GREB1L: variants seen among roughly 807,000 people sequenced by gnomAD.
The protein encoded by GREB1L is GREB1 like retinoic acid receptor coactivator, also known as GREB1-like protein.
In GREB1L, 17 loss-of-function variants were observed where a neutral mutation model predicts 200.8. The observed-to-expected ratio is 0.08, with a 90% CI of 0.06 to 0.13. The LOEUF (loss-of-function observed/expected upper bound fraction) is 0.13. GREB1L is among the 10% of genes least tolerant of loss of function. The pLI, the probability that GREB1L is intolerant of heterozygous loss-of-function variation, is 1.00. For missense variants in GREB1L, 1,657 were observed against 2,367.7 expected (o/e 0.70, Z 6.23); for synonymous variants, 789 against 893.0 (o/e 0.88, Z 2.08).
chr18:21,387,848 T>C (rs2040609096), intron 4 of GREB1L, among the ~76,000 whole-genome samples: 1 of 152,218 alleles, frequency 6.6e-6, no homozygotes, highest in Admixed American at 6.5e-5. Flanking sequence ...ATCCACTCTT[T>C]TTTACAGACA....
chr18:21,320,875 GAAAAT>G (rs2038941021), intron 1 of GREB1L, among the ~76,000 whole-genome samples: 1 of 152,062 alleles, frequency 6.6e-6, no homozygotes, highest in Admixed American at 6.6e-5. Flanking sequence ...ATTGAAAAGA[GAAAAT>G]GAAATGACAA....
chr18:21,426,111 C>T (rs1598811557), intron 7 of GREB1L, among the ~76,000 whole-genome samples: 1 of 149,186 alleles, frequency 6.7e-6, no homozygotes, highest in East Asian at 2.0e-4. Flanking sequence ...GGTTGGAGTG[C>T]AGTGGCTCGA....
chr18:21,514,431 C>T (rs570775277), intron 28 of GREB1L, among the ~76,000 whole-genome samples: 1 of 152,226 alleles, frequency 6.6e-6, no homozygotes, highest in Non-Finnish European at 1.5e-5. Context: ...AAGAGAATCA[C>T]TTGAACCCAA....
chr18:21,434,252 A>G (rs1237270406), intron 7 of GREB1L, among the ~76,000 whole-genome samples: 1 of 152,112 alleles, frequency 6.6e-6, no homozygotes, highest in Admixed American at 6.6e-5. Context: ...ATCCAGGTGG[A>G]TCACTTGAGG....
intron 7 of GREB1L, among the ~76,000 whole-genome samples, chr18:21,425,801 G>A (rs1267431210): frequency 6.6e-6 from 1 of 151,740 alleles, no homozygotes; most frequent in Non-Finnish European, 1.5e-5. Flanking sequence ...TATCATATAC[G>A]TGATTTTCAA....
intron 1 of GREB1L, among the ~76,000 whole-genome samples, chr18:21,336,623 T>C (rs889913176): frequency 4.6e-5 from 7 of 152,214 alleles, no homozygotes; most frequent in East Asian, 1.9e-4. Flanking sequence ...GTCCCCCTTA[T>C]ATGGAGTCAG....
In GREB1L at chr18:21,455,587, G is replaced by T. The variant is rs186772361; in HGVS notation, c.2182+1024G>T. Among the ~76,000 whole-genome samples the T allele has an allele frequency of 3.7e-3, 561 of 151,870 alleles. 28 individuals carry two copies. The highest frequency in any genetic ancestry group is 0.034 in the Admixed American group (515 of 15,262). On this transcript the variant is annotated intron_variant, in intron 15 of 32. Coordinates refer to ENST00000424526, the MANE Select transcript of GREB1L (RefSeq NM_001142966.3). ...TATCCCAGCTACTTGGGAGGCTGAG[G>T]CAGGAGAATCACTTGAACCCGGAAG...
chr18:21,306,792 A>T (rs1438756197), intron 1 of GREB1L, among the ~76,000 whole-genome samples: 1 of 152,246 alleles, frequency 6.6e-6, no homozygotes, highest in Non-Finnish European at 1.5e-5. Flanking sequence ...CAAATGAAGC[A>T]TAATAAATTG....
At chr18:21,372,644 G>A (rs190848409) in intron 2 of GREB1L, among the ~76,000 whole-genome samples, 6 of 152,078 alleles carry the variant, frequency 3.9e-5, no homozygotes, top group Non-Finnish European at 7.4e-5. Context: ...GATTTTTGCC[G>A]GGTGCGGTGG....
In GREB1L at chr18:21,344,184, G is replaced by A. The variant is rs141562558; in HGVS notation, c.-119-21843G>A. Among the ~76,000 whole-genome samples the A allele has an allele frequency of 9.3e-3, 1,415 of 152,252 alleles. 17 individuals carry two copies. The highest frequency in any genetic ancestry group is 0.031 in the African/African-American group (1,289 of 41,546). On this transcript the variant is annotated intron_variant, in intron 1 of 32. Transcript: ENST00000424526. The stretch of plus-strand genomic sequence containing the variant: ...TGGGAGGCCAAGGCGGGCGGATCAC[G>A]AGGTCAGGATATCGAGACCATCCTG...
chr18:21,325,730 G>C (rs2039012550), intron 1 of GREB1L, among the ~76,000 whole-genome samples: 1 of 144,088 alleles, frequency 6.9e-6, no homozygotes, highest in Non-Finnish European at 1.5e-5. Context: ...GGGAGGATCA[G>C]TTGAGCCTAG....
intron 4 of GREB1L, among the ~76,000 whole-genome samples, chr18:21,388,606 G>A (rs1215846200): frequency 6.3e-5 from 9 of 141,822 alleles, no homozygotes; most frequent in Non-Finnish European, 1.2e-4. Context: ...CAGTGGTGGT[G>A]CGATCTCGGC....
At chr18:21,309,109 A>G (rs1176851437) in intron 1 of GREB1L, among the ~76,000 whole-genome samples, 2 of 152,258 alleles carry the variant, frequency 1.3e-5, no homozygotes, top group African/African-American at 4.8e-5. Context: ...CTCAGTGGAT[A>G]TACTTCAGAA....
intron 18 of GREB1L, among the ~76,000 whole-genome samples, chr18:21,488,947 G>A (rs1352411331): frequency 2.0e-5 from 3 of 152,126 alleles, no homozygotes; most frequent in Non-Finnish European, 2.9e-5. Context: ...ATGAGCCACC[G>A]CGCCCAGCCT....
intron 28 of GREB1L, among the ~76,000 whole-genome samples, chr18:21,514,194 T>C (rs2037337547): frequency 6.6e-6 from 1 of 152,138 alleles, no homozygotes; most frequent in Admixed American, 6.6e-5. Context: ...TCCTGGACCA[T>C]TCTGGGATCA....
chr18:21,385,692 A>G (rs1162225642), intron 4 of GREB1L, among the ~76,000 whole-genome samples: 4 of 152,208 alleles, frequency 2.6e-5, no homozygotes, highest in Non-Finnish European at 5.9e-5. Flanking sequence ...GTCCATCTTC[A>G]TGCCTTTTAT....
chr18:21,309,078 G>A (rs2038749843), intron 1 of GREB1L, among the ~76,000 whole-genome samples: 1 of 152,222 alleles, frequency 6.6e-6, no homozygotes, highest in Non-Finnish European at 1.5e-5. Flanking sequence ...TTTTCTTTAT[G>A]TTGGCATTGG....
At position 21,444,332 on chromosome 18, in the gene GREB1L, A is replaced by C; in HGVS notation, c.1316A>C (p.Lys439Thr). 6.4e-6 allele frequency: 10 copies of C among 1,552,216 alleles called. No homozygotes were observed. The highest frequency in any genetic ancestry group is 8.7e-6 in the Non-Finnish European group (10 of 1,147,062). ...CAGTTGGAAAACAAAGATTTGGAAA[A>C]ATTAGGGTTGACCGGCAGCCAATTT... The part of the protein sequence containing the change: ...IPQLENKDLE[K>T]LGLTGSQFLS... The change falls in exon 11 of 33, where the codon AAA (lysine) becomes ACA (threonine). Residue 439 changes from lysine to threonine, a missense_variant. Physicochemically the swap from Lys to Thr is moderately conservative, Grantham distance 78 (BLOSUM62 -1). Around this residue, in one of 9 missense-constraint regions of GREB1L, gnomAD observed 289 missense variants for 345.1 expected, o/e 0.84. Coordinates refer to ENST00000424526, the MANE Select transcript of GREB1L (RefSeq NM_001142966.3).
chr18:21,243,657 C>T (rs1314519138), intron 1 of GREB1L, among the ~76,000 whole-genome samples: 1 of 152,180 alleles, frequency 6.6e-6, no homozygotes, highest in African/African-American at 2.4e-5. Context: ...TCCTGGAACT[C>T]TGCTTTGAGT....
Sources: allele counts gnomAD v4.1 joint callset (sites outside exome capture counted in the v4.1 genomes callset), GRCh38; gene constraint gnomAD v4.1.1; regional missense constraint gnomAD v4.1.1; transcripts MANE v1.5; gene names NCBI Gene and HGNC (gene_info 2026-07-23, HGNC 2026-07-21).